Variants in CCDC171 observed in about 807,000 individuals in gnomAD.
The protein encoded by CCDC171 is coiled-coil domain containing 171, also known as coiled-coil domain-containing protein 171.
In CCDC171, 177 loss-of-function variants were observed where a neutral mutation model predicts 168.2. That is an observed-to-expected ratio of 1.05 (90% confidence interval 0.93 to 1.19). CCDC171 has a LOEUF of 1.19. Ranked by LOEUF, CCDC171 falls within the 50% of genes most tolerant of loss-of-function variation. The pLI, the probability that CCDC171 is intolerant of heterozygous loss-of-function variation, is 0.00. For missense variants in CCDC171, 1,991 were observed against 1,539.0 expected (o/e 1.29, Z -4.91); for synonymous variants, 687 against 540.8 (o/e 1.27, Z -3.75).
intron 11 of CCDC171, among the ~76,000 whole-genome samples, chr9:15,717,504 G>A (rs767515929): frequency 2.0e-5 from 3 of 152,180 alleles, no homozygotes; most frequent in Non-Finnish European, 1.5e-5. Context: ...ACCAGCGGGG[G>A]CAGCAAAGGG....
chr9:15,858,207 A>G (rs2061419190), intron 23 of CCDC171, among the ~76,000 whole-genome samples: 1 of 151,250 alleles, frequency 6.6e-6, no homozygotes, highest in Non-Finnish European at 1.5e-5. Flanking sequence ...TTTAGTAGAG[A>G]TGGGGTTTCA....
At chr9:15,970,084 A>G (rs1215336898) in intron 25 of CCDC171, among the ~76,000 whole-genome samples, 1 of 152,188 alleles carries the variant, frequency 6.6e-6, no homozygotes, top group African/African-American at 2.4e-5. Flanking sequence ...TCCAGTATAA[A>G]AAGAGATGAT....
chr9:16,039,404 C>G (rs932241354), upstream of CCDC171, among the ~76,000 whole-genome samples: 2 of 152,182 alleles, frequency 1.3e-5, no homozygotes, highest in Admixed American at 6.5e-5. Context: ...ATTGTGGCCT[C>G]AAGATTCTTT....
chr9:15,892,012 A>G lies in CCDC171; in HGVS notation c.3600+17349A>G, dbSNP rs117225316. 3.0e-3 allele frequency among the ~76,000 whole-genome samples: 459 copies of G among 152,242 alleles called. 3 individuals are homozygous for G. Among genetic ancestry groups the G allele is most frequent in the Non-Finnish European group, 5.2e-3 (353 of 68,004 alleles). On this transcript the variant is annotated intron_variant, in intron 24 of 25. Coordinates refer to ENST00000380701, the MANE Select transcript of CCDC171 (RefSeq NM_173550.4). ...AATCCCCCATCTTTTTCTTACTAACAAGAGGCATTTGGCTTTTAAAAGGAA... is the reference window on the plus strand; with the variant it reads ...AATCCCCCATCTTTTTCTTACTAACGAGAGGCATTTGGCTTTTAAAAGGAA...
chr9:15,712,107 G>A (rs1027024261), intron 11 of CCDC171, among the ~76,000 whole-genome samples: 3 of 152,196 alleles, frequency 2.0e-5, no homozygotes, highest in Non-Finnish European at 4.4e-5. Context: ...AGACAGCAAG[G>A]CAGAGAGAAA....
At chr9:16,017,666 A>C (rs1445893017) in intron 3 of CCDC171, among the ~76,000 whole-genome samples, 1 of 152,220 alleles carries the variant, frequency 6.6e-6, no homozygotes, top group Non-Finnish European at 1.5e-5. Context: ...AAGTATTAAT[A>C]ATATCATTAA....
chr9:15,626,552 T>C lies in CCDC171; in HGVS notation c.822+3139T>C, dbSNP rs554689808. On this transcript the variant is annotated intron_variant, in intron 7 of 25. Coordinates refer to ENST00000380701, the MANE Select transcript of CCDC171 (RefSeq NM_173550.4). Reference sequence around the variant, plus strand: ...CTGTAGAATTTTGTCAAAGGCCTTTTCTGCATCTGTTGAGATAATCATGTG... The same window carrying C: ...CTGTAGAATTTTGTCAAAGGCCTTTCCTGCATCTGTTGAGATAATCATGTG... 3.3e-5 allele frequency among the ~76,000 whole-genome samples: 5 copies of C among 152,368 alleles called. No individual in the cohort carries two copies. In the South Asian group the frequency reaches 1.0e-3, roughly 32 times the overall value.
chr9:15,559,650 C>T (rs1340672617), intron 1 of CCDC171, among the ~76,000 whole-genome samples: 2 of 152,082 alleles, frequency 1.3e-5, no homozygotes, highest in African/African-American at 4.8e-5. Flanking sequence ...TAGGTCTCCT[C>T]AGTACAGCAC....
intron 9 of CCDC171, among the ~76,000 whole-genome samples, chr9:15,678,020 C>T (rs1458264353): frequency 6.7e-6 from 1 of 148,176 alleles, no homozygotes; most frequent in Non-Finnish European, 1.5e-5. Context: ...AGCAATCCTC[C>T]TGCCTCAGCC....
At chr9:15,785,068 G>C (rs2057870477) in intron 21 of CCDC171, among the ~76,000 whole-genome samples, 1 of 151,856 alleles carries the variant, frequency 6.6e-6, no homozygotes, top group Non-Finnish European at 1.5e-5. Flanking sequence ...ACATCTTTTG[G>C]ATTCTGGAAG....
the CCDC171 span, among the ~76,000 whole-genome samples, chr9:16,068,853 GCTCA>G: frequency 6.6e-6 from 1 of 152,122 alleles, no homozygotes; most frequent in Admixed American, 6.5e-5. Context: ...TTCTTAAACT[GCTCA>G]CTCAGACAGG....
chr9:15,978,155 G>A (rs752625021), downstream of CCDC171, among the ~76,000 whole-genome samples: 1 of 152,142 alleles, frequency 6.6e-6, no homozygotes, highest in East Asian at 1.9e-4. Context: ...TGACTTTGAT[G>A]TACTACTGAC....
At chr9:15,611,130 G>A (rs2043654380) in intron 6 of CCDC171, among the ~76,000 whole-genome samples, 1 of 152,032 alleles carries the variant, frequency 6.6e-6, no homozygotes, top group African/African-American at 2.4e-5. Context: ...CCTTCCTCCT[G>A]CTCCTGATCT....
chr9:16,038,836 GA>G (rs972524803), upstream of CCDC171, among the ~76,000 whole-genome samples: 13 of 8,650 alleles, frequency 1.5e-3, no homozygotes, highest in African/African-American at 6.3e-3. Flanking sequence ...AACAAAAACA[GA>G]AAAAAAAATA....
At chr9:15,588,875 T>G (rs1462359251) in intron 4 of CCDC171, among the ~76,000 whole-genome samples, 1 of 151,396 alleles carries the variant, frequency 6.6e-6, no homozygotes, top group Admixed American at 6.6e-5. Context: ...GCCCGGCTAA[T>G]TTTTTGTATT....
intron 3 of CCDC171, among the ~76,000 whole-genome samples, chr9:16,000,692 C>G (rs1832513708): frequency 6.6e-6 from 1 of 151,590 alleles, no homozygotes; most frequent in Admixed American, 6.6e-5. Context: ...TACCAAACCA[C>G]TCTGGAAATT....
intron 21 of CCDC171, among the ~76,000 whole-genome samples, chr9:15,822,326 G>C (rs1232082565): frequency 6.6e-6 from 1 of 151,366 alleles, no homozygotes; most frequent in Non-Finnish European, 1.5e-5. Flanking sequence ...AGCCAGAATT[G>C]ACAAAGGGGA....
At chr9:15,714,726 G>C (rs1051739255) in intron 11 of CCDC171, among the ~76,000 whole-genome samples, 1 of 152,156 alleles carries the variant, frequency 6.6e-6, no homozygotes, top group African/African-American at 2.4e-5. Context: ...CAGGTCCCTA[G>C]GTCTGTGAAT....
chr9:15,847,475 C>G (rs927740482), intron 22 of CCDC171, among the ~76,000 whole-genome samples: 1 of 151,928 alleles, frequency 6.6e-6, no homozygotes, highest in Non-Finnish European at 1.5e-5. Context: ...AGTTGACATA[C>G]ATTATGAAGT....
Sources: allele counts gnomAD v4.1 joint callset (sites outside exome capture counted in the v4.1 genomes callset), GRCh38; gene constraint gnomAD v4.1.1; transcripts MANE v1.5; gene names NCBI Gene and HGNC (gene_info 2026-07-23, HGNC 2026-07-21).